The following CSMD3 variants were observed in gnomAD, a reference collection of about 807,000 sequenced individuals.
CSMD3 encodes CUB and Sushi multiple domains 3.
Under a neutral mutation model 435.2 loss-of-function variants are expected in CSMD3, and 177 were observed. That is an observed-to-expected ratio of 0.41 (90% confidence interval 0.36 to 0.46). CSMD3 has a LOEUF of 0.46. CSMD3 is among the 20% of genes least tolerant of loss of function. The pLI is 0.34. For synonymous variants in CSMD3, 1,656 were observed against 1,520.5 expected, an observed-to-expected ratio of 1.09 and a Z score of -2.07; for missense variants, 4,265 against 4,504.6, an observed-to-expected ratio of 0.95 and a Z score of 1.52.
intron 13 of CSMD3, among the ~76,000 whole-genome samples, chr8:112,711,622 T>A (rs1369717119): frequency 6.6e-6 from 1 of 152,226 alleles, no homozygotes; most frequent in Non-Finnish European, 1.5e-5. Flanking sequence ...CACTGATTAG[T>A]TATAACAGGA....
intron 2 of CSMD3, among the ~76,000 whole-genome samples, chr8:113,294,046 T>C (rs1205438486): frequency 6.6e-6 from 1 of 152,056 alleles, no homozygotes; most frequent in East Asian, 1.9e-4. Flanking sequence ...AATACTGTTT[T>C]ACATCAGAAC....
intron 24 of CSMD3, among the ~76,000 whole-genome samples, chr8:112,572,970 A>C (rs956218419): frequency 6.6e-6 from 1 of 152,104 alleles, no homozygotes; most frequent in Non-Finnish European, 1.5e-5. Flanking sequence ...TAAATAGTCA[A>C]AATAGCTGAC....
intron 16 of CSMD3, among the ~76,000 whole-genome samples, chr8:112,677,460 A>G (rs1293338271): frequency 6.6e-6 from 1 of 150,398 alleles, no homozygotes; most frequent in Non-Finnish European, 1.5e-5. Context: ...TTATTTATCA[A>G]TGCTTCTTAA....
At chr8:113,087,069 T>C (rs1440195303) in intron 5 of CSMD3, among the ~76,000 whole-genome samples, 3 of 152,146 alleles carry the variant, frequency 2.0e-5, no homozygotes, top group Non-Finnish European at 4.4e-5. Context: ...TAGGAGTTTA[T>C]TTTTTTAAGA....
intron 4 of CSMD3, among the ~76,000 whole-genome samples, chr8:113,132,448 C>T (rs1469229333): frequency 6.6e-6 from 1 of 151,690 alleles, no homozygotes; most frequent in African/African-American, 2.4e-5. Context: ...ATAAGTGAGT[C>T]GTCAGGAGAT....
intron 42 of CSMD3, among the ~76,000 whole-genome samples, chr8:112,338,965 T>C (rs2130974817): frequency 6.6e-6 from 1 of 152,182 alleles, no homozygotes; most frequent in South Asian, 2.1e-4. Context: ...CATTCTAATG[T>C]TATATACAAT....
intron 13 of CSMD3, among the ~76,000 whole-genome samples, chr8:112,693,657 T>C (rs2076188282): frequency 1.3e-5 from 2 of 151,980 alleles, no homozygotes; most frequent in South Asian, 2.1e-4. Context: ...AGGTGCTCAA[T>C]AGACTACTTC....
chr8:112,588,476 T>A (rs999819685), intron 22 of CSMD3, among the ~76,000 whole-genome samples: 1 of 150,818 alleles, frequency 6.6e-6, no homozygotes, highest in Admixed American at 6.6e-5. Flanking sequence ...AAAAAAAAAA[T>A]CAAAGTTCCA....
intron 13 of CSMD3, among the ~76,000 whole-genome samples, chr8:112,695,013 G>A (rs72678459): frequency 0.21 from 31,163 of 151,940 alleles, 4,035 homozygotes; most frequent in Non-Finnish European, 0.3. Context: ...CACTCAGGAA[G>A]CACAAGGGGT....
intron 4 of CSMD3, among the ~76,000 whole-genome samples, chr8:113,105,763 C>T (rs1457376448): frequency 6.6e-6 from 1 of 152,072 alleles, no homozygotes; most frequent in Non-Finnish European, 1.5e-5. Context: ...TCTCAAAAGA[C>T]ACAAACTGAA....
At chr8:113,137,655 T>C (rs796406932) in intron 4 of CSMD3, among the ~76,000 whole-genome samples, 6 of 151,720 alleles carry the variant, frequency 4.0e-5, no homozygotes, top group African/African-American at 1.4e-4. Context: ...TGTCTTCACA[T>C]GACAGAAGGC....
At chr8:113,426,355 A>G (rs921475331) in intron 1 of CSMD3, among the ~76,000 whole-genome samples, 4 of 151,424 alleles carry the variant, frequency 2.6e-5, no homozygotes, top group African/African-American at 9.7e-5. Flanking sequence ...AAAATTATTG[A>G]CTAAGTGGAT....
intron 10 of CSMD3, among the ~76,000 whole-genome samples, chr8:112,878,373 T>C (rs187506182): frequency 6.6e-6 from 1 of 152,246 alleles, no homozygotes; most frequent in Non-Finnish European, 1.5e-5. Context: ...TGATATACCA[T>C]CTCATGTCAG....
chr8:112,989,022 G>A (rs969044551), intron 6 of CSMD3, among the ~76,000 whole-genome samples: 9 of 152,112 alleles, frequency 5.9e-5, no homozygotes, highest in African/African-American at 2.2e-4. Context: ...CATTCTTCCA[G>A]AATTTTAGGC....
chr8:113,086,582 G>T (rs1251620885), intron 5 of CSMD3, among the ~76,000 whole-genome samples: 1 of 152,062 alleles, frequency 6.6e-6, no homozygotes, highest in East Asian at 1.9e-4. Context: ...TAAATATTAA[G>T]AAAATATATC....
At chr8:112,647,500 G>A (rs1273870134) in intron 19 of CSMD3, among the ~76,000 whole-genome samples, 1 of 151,992 alleles carries the variant, frequency 6.6e-6, no homozygotes, top group Non-Finnish European at 1.5e-5. Context: ...GTAGAGACAG[G>A]TTTCACTGTG....
intron 4 of CSMD3, among the ~76,000 whole-genome samples, chr8:113,132,981 T>G (rs1043931432): frequency 3.3e-5 from 5 of 152,154 alleles, no homozygotes; most frequent in African/African-American, 1.2e-4. Context: ...TAAGTCATTA[T>G]CAGGATGATG....
At chr8:112,916,139 T>C (rs566983000) in intron 10 of CSMD3, among the ~76,000 whole-genome samples, 1 of 151,994 alleles carries the variant, frequency 6.6e-6, no homozygotes, top group Non-Finnish European at 1.5e-5. Context: ...TGTGGAGATT[T>C]TCCTGCTATG....
At chr8:112,733,459 T>G (rs564752846) in intron 13 of CSMD3, among the ~76,000 whole-genome samples, 1 of 151,992 alleles carries the variant, frequency 6.6e-6, no homozygotes, top group Admixed American at 6.6e-5. Context: ...AACTGCTAAT[T>G]AGGAAACTCA....
Sources: allele counts gnomAD v4.1 joint callset (sites outside exome capture counted in the v4.1 genomes callset), GRCh38; gene constraint gnomAD v4.1.1; transcripts MANE v1.5; gene names NCBI Gene and HGNC (gene_info 2026-07-23, HGNC 2026-07-21).